The following IL17B variants were observed in gnomAD, a reference collection of about 807,000 sequenced individuals.
IL17B encodes interleukin-17B.
Under a neutral mutation model 14.7 loss-of-function variants are expected in IL17B, and 14 were observed. The observed-to-expected ratio is 0.95, with a 90% CI of 0.63 to 1.49. The LOEUF (loss-of-function observed/expected upper bound fraction) is 1.49. Among genes scored for constraint, IL17B ranks in the 40% most tolerant of loss-of-function variants. The pLI is 0.00. For missense variants in IL17B, 233 were observed against 252.8 expected (o/e 0.92, Z 0.53); for synonymous variants, 105 against 94.8 (o/e 1.11, Z -0.62).
chr5:149,402,250 C>T lies in IL17B; in HGVS notation n.95+1858G>A, dbSNP rs115223273. Reference sequence around the variant, plus strand: ...ATATTCGAGTTGTCAGTCAGGTTCACTACTCCCAAAGCAGCCACGGTAGTG... The same window carrying T: ...ATATTCGAGTTGTCAGTCAGGTTCATTACTCCCAAAGCAGCCACGGTAGTG... On this transcript the variant is annotated intron_variant and non_coding_transcript_variant, in intron 1 of 2. Coordinates refer to the IL17B transcript ENST00000505432. 6.8e-3 allele frequency among the ~76,000 whole-genome samples: 1,033 copies of T among 152,308 alleles called. 16 individuals carry two copies. Among genetic ancestry groups the T allele is most frequent in the African/African-American group, 0.024 (1,001 of 41,562 alleles).
chr5:149,380,521 G>A (rs2227441), upstream of IL17B, among the ~76,000 whole-genome samples: 737 of 152,272 alleles, frequency 4.8e-3, 10 homozygotes, highest in African/African-American at 0.017. Context: ...ACAAGTTTGT[G>A]AGGTCGGATG....
rs765861023 is a variant in IL17B, at chr5:149,376,749, G to A, written c.298C>T (p.Pro100Ser). 1.2e-6 allele frequency: 2 copies of A among 1,609,052 alleles called. No homozygotes were observed. The highest frequency in any genetic ancestry group is 1.7e-6 in the Non-Finnish European group (2 of 1,177,342). Residue 100 changes from proline to serine, a missense_variant, in exon 2 of 3, where the codon CCC (proline) becomes TCC (serine). Transcript: ENST00000261796. ...TGCCCAGCCTACCTGTAGCCCCAGG[G>A]AGACAGGCTCCTCTTGTTGGACATC... ...LWMSNKRSLS[P>S]WGYSINHDPS...
At chr5:149,385,122 C>A (rs1167071975) in intron 1 of IL17B, among the ~76,000 whole-genome samples, 1 of 151,534 alleles carries the variant, frequency 6.6e-6, no homozygotes. Context: ...CCATGTTGGA[C>A]AGGCTGGTCT....
At chr5:149,402,552 A>T (rs569975532) in intron 1 of IL17B, among the ~76,000 whole-genome samples, 1 of 152,228 alleles carries the variant, frequency 6.6e-6, no homozygotes, top group Non-Finnish European at 1.5e-5. Context: ...TAGATTAGGG[A>T]AGAGACAACA....
In IL17B at chr5:149,379,196, G is replaced by A. The variant is rs776354684; in HGVS notation, c.21+9C>T. ...AGGGGTGGGGGTGCGGCAGGGAAGC[G>A]CCACGTACCAGGTTGTGAGGCCAGT... On this transcript the variant is annotated intron_variant, in intron 1 of 2. Coordinates refer to ENST00000261796, the MANE Select transcript of IL17B (RefSeq NM_014443.3). The A allele has an allele frequency of 7.4e-6, 12 of 1,614,032 alleles. No homozygotes were observed. Among genetic ancestry groups the A allele is most frequent in the African/African-American group, 2.7e-5 (2 of 75,054 alleles).
At position 149,393,363 on chromosome 5, in the gene IL17B, TAGCA is replaced by T. The variant is rs144667951; in HGVS notation, n.95+10741_95+10744del. ...TGCATCCCTGTGGCTCCGTACAAAT[TAGCA>T]ATTGGCTCTTTACCTACCTGCCTTC... On this transcript the variant is annotated intron_variant and non_coding_transcript_variant, in intron 1 of 2. Transcript: ENST00000505432. 9.3e-3 allele frequency among the ~76,000 whole-genome samples: 1,414 copies of T among 152,252 alleles called. 16 individuals carry two copies. Among genetic ancestry groups the T allele is most frequent in the African/African-American group, 0.032 (1,341 of 41,538 alleles).
intron 1 of IL17B, among the ~76,000 whole-genome samples, chr5:149,378,918 C>A (rs569636168): frequency 2.6e-5 from 4 of 152,148 alleles, no homozygotes; most frequent in Non-Finnish European, 5.9e-5. Flanking sequence ...GAAGCCGGGT[C>A]TCTTTGGAAA....
upstream of IL17B, among the ~76,000 whole-genome samples, chr5:149,380,701 C>G (rs1758671746): frequency 6.6e-6 from 1 of 152,192 alleles, no homozygotes; most frequent in African/African-American, 2.4e-5. Flanking sequence ...GCATTGTGAA[C>G]AGATACTGAG....
chr5:149,376,561 G>A (rs975873262), intron 2 of IL17B, among the ~76,000 whole-genome samples, 175 bp downstream of exon 2: 3 of 152,220 alleles, frequency 2.0e-5, no homozygotes, highest in Admixed American at 1.3e-4. Context: ...AGGAAACTGA[G>A]GCCCAGAAAG....
chr5:149,385,641 C>A (rs553247554), intron 1 of IL17B, among the ~76,000 whole-genome samples: 2 of 152,350 alleles, frequency 1.3e-5, no homozygotes, highest in East Asian at 3.9e-4. Context: ...AGGCCCCCTG[C>A]CCACTGGAGT....
chr5:149,377,873 G>A (rs1758586984), intron 1 of IL17B, among the ~76,000 whole-genome samples: 1 of 152,134 alleles, frequency 6.6e-6, no homozygotes, highest in Non-Finnish European at 1.5e-5. Context: ...GCCGGGCGTG[G>A]TGGCTCACAC....
At chr5:149,396,906 G>C (rs1032280706) in intron 1 of IL17B, among the ~76,000 whole-genome samples, 1 of 152,266 alleles carries the variant, frequency 6.6e-6, no homozygotes, top group East Asian at 1.9e-4. Flanking sequence ...TCTGACGAAG[G>C]GCGTTTTTTT....
At chr5:149,393,807 G>A (rs1759039458) in intron 1 of IL17B, among the ~76,000 whole-genome samples, 1 of 152,090 alleles carries the variant, frequency 6.6e-6, no homozygotes, top group Non-Finnish European at 1.5e-5. Flanking sequence ...TCAGTCACAT[G>A]AGCCAATGAA....
At chr5:149,375,957 A>G (rs1758518696) in intron 2 of IL17B, among the ~76,000 whole-genome samples, 1 of 152,240 alleles carries the variant, frequency 6.6e-6, no homozygotes, top group South Asian at 2.1e-4. Context: ...TAGCTGCATG[A>G]GGCTAGTGGC....
chr5:149,377,076 G>C, intron 1 of IL17B, 51 bp from the exon 2 acceptor site: 1 of 1,470,116 alleles, frequency 6.8e-7, no homozygotes, highest in Non-Finnish European at 9.1e-7. Context: ...TCTCTATCTG[G>C]GCCAAGACTT....
Position 149,379,195 on chromosome 5 carries a change from C to A in IL17B, c.21+10G>T. 1 of 1,613,964 alleles carries A rather than the reference C, an allele frequency of 6.2e-7. No individual in the cohort carries two copies. The highest frequency in any genetic ancestry group is 1.1e-5 in the South Asian group (1 of 91,074). On this transcript the variant is annotated intron_variant, in intron 1 of 2. Coordinates refer to ENST00000261796, the MANE Select transcript of IL17B (RefSeq NM_014443.3). ...AAGGGGTGGGGGTGCGGCAGGGAAG[C>A]GCCACGTACCAGGTTGTGAGGCCAG...
chr5:149,391,590 C>G (rs1035720462), intron 1 of IL17B, among the ~76,000 whole-genome samples: 5 of 152,222 alleles, frequency 3.3e-5, no homozygotes, highest in African/African-American at 1.2e-4. Flanking sequence ...CTGATTTGGG[C>G]TCCTGTCTCT....
intron 1 of IL17B, among the ~76,000 whole-genome samples, chr5:149,392,394 T>C (rs754966065): frequency 6.6e-6 from 1 of 152,216 alleles, no homozygotes; most frequent in Non-Finnish European, 1.5e-5. Flanking sequence ...ATCCAACCAT[T>C]CAAAGAATGA....
upstream of IL17B, among the ~76,000 whole-genome samples, chr5:149,381,130 C>A (rs1758685545): frequency 6.6e-6 from 1 of 152,232 alleles, no homozygotes; most frequent in Non-Finnish European, 1.5e-5. Flanking sequence ...AGAACAGTGG[C>A]AAACTGAAAG....
Sources: gnomAD v4.1 joint callset for allele counts (sites outside exome capture counted in the v4.1 genomes callset) on GRCh38, gnomAD v4.1.1 for gene constraint, MANE v1.5 for transcripts, NCBI Gene and HGNC (gene_info 2026-07-23, HGNC 2026-07-21) for gene names.